Variants in DISC1 observed in about 807,000 individuals in gnomAD.
DISC1 encodes the protein disrupted in schizophrenia 1 protein.
In DISC1, 57 loss-of-function variants were observed where a neutral mutation model predicts 84.5. That is an observed-to-expected ratio of 0.67 (90% CI 0.55 to 0.84). The LOEUF is 0.84. DISC1 is among the 40% of genes least tolerant of loss of function. The pLI is 0.00. For missense variants in DISC1, 1,000 were observed against 1,057.8 expected (o/e 0.95, Z 0.76); for synonymous variants, 411 against 415.2 (o/e 0.99, Z 0.12).
intron 9 of DISC1, among the ~76,000 whole-genome samples, chr1:231,848,409 G>A (rs756624460): frequency 3.0e-4 from 45 of 152,204 alleles, no homozygotes; most frequent in Middle Eastern, 3.2e-3. Context: ...GTCTTTTGAA[G>A]TTCCTCTAGG....
chr1:231,635,828 A>C (rs897567419), intron 1 of DISC1, among the ~76,000 whole-genome samples: 1 of 152,214 alleles, frequency 6.6e-6, no homozygotes, highest in Non-Finnish European at 1.5e-5. Context: ...TTGTATATAT[A>C]TGTGTAAATT....
chr1:231,966,687 T>C (rs1661162111), intron 10 of DISC1, among the ~76,000 whole-genome samples: 1 of 152,242 alleles, frequency 6.6e-6, no homozygotes, highest in South Asian at 2.1e-4. Flanking sequence ...CTCTACTTTT[T>C]TTCCTGAAGT....
chr1:231,901,383 T>G (rs781389289), intron 9 of DISC1, among the ~76,000 whole-genome samples: 2 of 152,248 alleles, frequency 1.3e-5, no homozygotes, highest in African/African-American at 2.4e-5. Context: ...CATAATTTCC[T>G]TAAAATTTGC....
At chr1:231,766,428 A>AC (rs903764590) in intron 4 of DISC1, among the ~76,000 whole-genome samples, 1 of 152,118 alleles carries the variant, frequency 6.6e-6, no homozygotes, top group Non-Finnish European at 1.5e-5. Flanking sequence ...AATAAAAAAA[A>AC]ATGTGATGTG....
At chr1:231,902,080 C>T (rs2088225501) in intron 9 of DISC1, among the ~76,000 whole-genome samples, 1 of 151,848 alleles carries the variant, frequency 6.6e-6, no homozygotes, top group Non-Finnish European at 1.5e-5. Flanking sequence ...GTCTTGTCCT[C>T]ATAAAATCAG....
At chr1:231,827,501 A>G (rs1041832791) in intron 9 of DISC1, among the ~76,000 whole-genome samples, 2 of 152,190 alleles carry the variant, frequency 1.3e-5, no homozygotes, top group African/African-American at 4.8e-5. Context: ...GGCTTCCTGT[A>G]CACATTCCTG....
At chr1:232,013,668 A>G (rs1008769397) in intron 11 of DISC1, among the ~76,000 whole-genome samples, 1 of 152,210 alleles carries the variant, frequency 6.6e-6, no homozygotes, top group African/African-American at 2.4e-5. Flanking sequence ...CAAAATGGGT[A>G]TGATCTAATG....
In DISC1 at chr1:231,948,627, AG is replaced by A. The variant is rs1657714961; in HGVS notation, c.1982-10198del. Among the ~76,000 whole-genome samples, 4 of 151,956 alleles carry A rather than the reference AG, an allele frequency of 2.6e-5. No homozygotes were observed. The South Asian group carries it at 8.3e-4, about 32-fold the overall frequency. ...AATTAAAAAAAAAAGAAGTGCTCCCAGGGACATTTGGGCAGGAAATTCCCGT... is the reference window on the plus strand; with the variant it reads ...AATTAAAAAAAAAAGAAGTGCTCCCAGGACATTTGGGCAGGAAATTCCCGT... On this transcript the variant is annotated intron_variant, in intron 9 of 12. Coordinates refer to ENST00000439617, the MANE Select transcript of DISC1 (RefSeq NM_018662.3).
intron 9 of DISC1, among the ~76,000 whole-genome samples, chr1:231,906,702 T>C (rs992769027): frequency 6.8e-6 from 1 of 147,282 alleles, no homozygotes. Context: ...GAGGGTGCCT[T>C]GCCCTTATTG....
intron 9 of DISC1, among the ~76,000 whole-genome samples, chr1:231,830,609 T>G (rs994663145): frequency 6.6e-6 from 1 of 152,096 alleles, no homozygotes; most frequent in Non-Finnish European, 1.5e-5. Context: ...TAGTTGAGAA[T>G]GGTGAATAGG....
At chr1:231,729,491 T>A (rs73117138) in intron 3 of DISC1, among the ~76,000 whole-genome samples, 2,886 of 152,318 alleles carry the variant, frequency 0.019, 103 homozygotes, top group African/African-American at 0.065. Context: ...GTTATTCTTA[T>A]CACTGGCTGC....
At chr1:231,905,945 A>G (rs946883363) in intron 9 of DISC1, among the ~76,000 whole-genome samples, 1 of 151,966 alleles carries the variant, frequency 6.6e-6, no homozygotes, top group Non-Finnish European at 1.5e-5. Context: ...CAGGAAATAG[A>G]AAGTTCTTTG....
intron 10 of DISC1, among the ~76,000 whole-genome samples, chr1:231,965,341 A>G (rs1474388041): frequency 1.3e-5 from 2 of 151,868 alleles, no homozygotes; most frequent in Non-Finnish European, 2.9e-5. Flanking sequence ...TCCAATTTCC[A>G]CCTGTTTTAG....
chr1:231,786,073 T>C (rs990842708), intron 6 of DISC1, among the ~76,000 whole-genome samples: 1 of 152,188 alleles, frequency 6.6e-6, no homozygotes, highest in African/African-American at 2.4e-5. Flanking sequence ...TACTCTATTA[T>C]AGAGTGAAAA....
At chr1:232,019,283 C>T (rs1012609076) in intron 11 of DISC1, among the ~76,000 whole-genome samples, 1 of 152,148 alleles carries the variant, frequency 6.6e-6, no homozygotes. Flanking sequence ...CCTGTTATAA[C>T]TGCTTTTCAT....
At chr1:231,818,866 T>A in intron 9 of DISC1, 1 of 1,095,160 alleles carries the variant, frequency 9.1e-7, no homozygotes, top group Non-Finnish European at 1.1e-6. Flanking sequence ...TGGCTCCGTC[T>A]CCTTGTCTGC....
chr1:231,780,225 C>G, intron 6 of DISC1, among the ~76,000 whole-genome samples: 1 of 65,848 alleles, frequency 1.5e-5, no homozygotes, highest in Non-Finnish European at 2.9e-5. Flanking sequence ...TACCCTAAAA[C>G]TTAAAGTATA....
intron 5 of DISC1, among the ~76,000 whole-genome samples, chr1:231,768,850 T>C (rs1447651356): frequency 2.6e-5 from 4 of 152,150 alleles, no homozygotes; most frequent in South Asian, 2.1e-4. Flanking sequence ...AGTCTACTCA[T>C]TGAGAAGTGA....
intron 3 of DISC1, among the ~76,000 whole-genome samples, chr1:231,743,088 C>G (rs1009792735): frequency 2.0e-5 from 3 of 152,166 alleles, no homozygotes; most frequent in Admixed American, 6.5e-5. Context: ...AGCCTGCGCT[C>G]TCTGAGAACT....
Sources: allele counts gnomAD v4.1 joint callset (sites outside exome capture counted in the v4.1 genomes callset), GRCh38; gene constraint gnomAD v4.1.1; transcripts MANE v1.5; gene names NCBI Gene and HGNC (gene_info 2026-07-23, HGNC 2026-07-21).